ADRM1: variants seen among roughly 807,000 people sequenced by gnomAD.
The protein encoded by ADRM1 is proteasomal ubiquitin receptor ADRM1.
In ADRM1, 2 loss-of-function variants were observed where a neutral mutation model predicts 40.1. That is an observed-to-expected ratio of 0.05 (90% CI 0.02 to 0.16). The LOEUF (loss-of-function observed/expected upper bound fraction) is 0.16, where lower values mean the gene tolerates loss of function less well. ADRM1 is among the 10% of genes least tolerant of loss of function. The pLI, the probability that ADRM1 is intolerant of heterozygous loss-of-function variation, is 1.00. For synonymous variants in ADRM1, 287 were observed against 240.4 expected (o/e 1.19, Z -1.79); for missense variants, 467 against 552.5 (o/e 0.85, Z 1.55).
chr20:62,303,911 C>T, intron 2 of ADRM1, 130 bp downstream of exon 2: 1 of 861,554 alleles, frequency 1.2e-6, no homozygotes, highest in Non-Finnish European at 1.8e-6. Flanking sequence ...GACTGCCCTG[C>T]TGATGGGTCG....
chr20:62,306,903 C>A (rs1386319931), intron 5 of ADRM1, among the ~76,000 whole-genome samples, 169 bp downstream of exon 5: 1 of 152,202 alleles, frequency 6.6e-6, no homozygotes, highest in Non-Finnish European at 1.5e-5. Flanking sequence ...GTGGCTAGAG[C>A]TGGGTAGGCG....
chr20:62,307,590 T>A lies in ADRM1; in HGVS notation c.624-6T>A. On this transcript the variant is annotated splice_region_variant and splice_polypyrimidine_tract_variant and intron_variant, in intron 6 of 9. Transcript: ENST00000253003. ...TCCGCTCCAGCGGTGCCCTCTCTCTTCGCAGCTCCCGGAGCCAGTCGGCAG... is the reference window on the plus strand; with the variant it reads ...TCCGCTCCAGCGGTGCCCTCTCTCTACGCAGCTCCCGGAGCCAGTCGGCAG... 1 of 1,609,220 alleles carries A rather than the reference T, an allele frequency of 6.2e-7. No homozygotes were observed.
Position 62,306,270 on chromosome 20 carries a change from G to C in ADRM1, c.404G>C (p.Gly135Ala), listed in dbSNP as rs1245018179. The C allele has an allele frequency of 3.1e-6, 5 of 1,613,040 alleles. No homozygotes were observed. Among genetic ancestry groups the C allele is most frequent in the Non-Finnish European group, 3.4e-6 (4 of 1,179,856 alleles). ...NEYLNNPPMPGALGASGSSGH... is the reference protein window; with the variant it reads ...NEYLNNPPMPAALGASGSSGH... ...TATCTGAACAACCCCCCGATGCCTGGGGCGCTGGGGGCCAGCGGAAGCAGC... is the reference window on the plus strand; with the variant it reads ...TATCTGAACAACCCCCCGATGCCTGCGGCGCTGGGGGCCAGCGGAAGCAGC... The change falls in exon 4 of 10, where the codon GGG (glycine) becomes GCG (alanine). Residue 135 changes from glycine (G) to alanine (A), a missense_variant. Gly to Ala is a moderately conservative substitution (Grantham distance 60, BLOSUM62 0). Coordinates refer to ENST00000253003, the MANE Select transcript of ADRM1 (RefSeq NM_007002.4).
Position 62,303,583 on chromosome 20 carries a change from C to T in ADRM1, c.15C>T (p.Gly5=), listed in dbSNP as rs754864648. Residue 5 remains glycine, a synonymous_variant, in exon 2 of 10, where the codon GGC becomes GGT. Coordinates refer to ENST00000253003, the MANE Select transcript of ADRM1 (RefSeq NM_007002.4). ...GCGCTTTCAGGATGACGACCTCAGG[C>T]GCGCTCTTTCCAAGCCTGGTGCCAG... The part of the protein sequence containing the change: MTTS[G]ALFPSLVPGS... 1.9e-6 allele frequency: 3 copies of T among 1,584,310 alleles called. No individual in the cohort carries two copies. The South Asian group carries it at 3.3e-5, about 18-fold the overall frequency.
chr20:62,305,167 A>G (rs1442997334), intron 3 of ADRM1, among the ~76,000 whole-genome samples: 3 of 152,240 alleles, frequency 2.0e-5, no homozygotes, highest in African/African-American at 7.2e-5. Flanking sequence ...CCCGGTACAC[A>G]GATCATTTTC....
At chr20:62,304,342 C>A (rs1030816383) in intron 2 of ADRM1, 119 bp from the exon 3 acceptor site, 2 of 768,328 alleles carry the variant, frequency 2.6e-6, no homozygotes, top group African/African-American at 1.7e-5. Context: ...AGGGGTCTGG[C>A]GGCTTAGCTG....
intron 1 of ADRM1, 189 bp from the exon 2 acceptor site, chr20:62,303,379 A>G (rs1269036560): frequency 8.5e-6 from 5 of 585,254 alleles, no homozygotes; most frequent in Middle Eastern, 4.7e-4. Flanking sequence ...GCCCCGGCCC[A>G]GCGCCGAGTG....
In ADRM1 at chr20:62,307,379, G is replaced by T; in HGVS notation, c.550G>T (p.Gly184Trp). The T allele has an allele frequency of 1.3e-6, 2 of 1,599,904 alleles. No homozygotes were observed. The highest frequency in any genetic ancestry group is 1.7e-6 in the Non-Finnish European group (2 of 1,176,140). ...PAGLGGLGGL[G>W]ALTGPGLASL... Reference sequence around the variant, plus strand: ...TTCCTTGCCCCTCGCAGGTGGGCTGGGGGCCCTGACTGGACCTGGCCTGGC... The same window carrying T: ...TTCCTTGCCCCTCGCAGGTGGGCTGTGGGCCCTGACTGGACCTGGCCTGGC... The change falls in exon 6 of 10, where the codon GGG becomes TGG. Residue 184 changes from glycine (G) to tryptophan (W), a missense_variant. Gly to Trp is a radical substitution (Grantham distance 184). This residue lies in a region of ADRM1 where 418 missense variants were observed against 474.6 expected (regional missense o/e 0.88). Transcript: ENST00000253003.
chr20:62,306,889 G>A (rs1985070024), intron 5 of ADRM1, among the ~76,000 whole-genome samples, 155 bp downstream of exon 5: 3 of 152,244 alleles, frequency 2.0e-5, no homozygotes, highest in South Asian at 4.1e-4. Context: ...GCGCTTGTTT[G>A]CCTGTGGCTA....
rs373058282 is a variant in ADRM1 at position 62,308,651 on chromosome 20, C to T, written c.1118-4C>T. On this transcript the variant is annotated splice_polypyrimidine_tract_variant and splice_region_variant and intron_variant, in intron 9 of 9. Transcript: ENST00000253003. ...CACCACCTTGTGTCTTTAACGTGTTCTAGATGTGGAAGCGTTTGCCAAAGC... is the reference window on the plus strand; with the variant it reads ...CACCACCTTGTGTCTTTAACGTGTTTTAGATGTGGAAGCGTTTGCCAAAGC... 5.0e-5 allele frequency: 80 copies of T among 1,612,910 alleles called. No individual in the cohort carries two copies. The African/African-American group carries it at 7.5e-4, about 15-fold the overall frequency.
chr20:62,303,060 CGCCGGGCCTGGGGCG>C lies in ADRM1; in HGVS notation c.-2+18_-2+32del, dbSNP rs1350790234. ...GTGGGCGCGAGGCAGGTGCGGGAGT[CGCCGGGCCTGGGGCG>C]GCCGGGGGCGACCGGAGGCGGGGGC... is the stretch of plus-strand genomic sequence containing the variant. On this transcript the variant is annotated intron_variant, in intron 1 of 9. Coordinates refer to ENST00000253003, the MANE Select transcript of ADRM1 (RefSeq NM_007002.4). 1 of 151,384 alleles carries C rather than the reference CGCCGGGCCTGGGGCG, an allele frequency of 6.6e-6. No homozygotes were observed. The highest frequency in any genetic ancestry group is 2.0e-4 in the East Asian group (1 of 5,124). The allele number at this position is 151,384 out of a possible 1,614,324, so 9.4% of individuals were successfully genotyped here.
At chr20:62,307,341 C>T in intron 5 of ADRM1, 30 bp from the exon 6 acceptor site, 1 of 1,590,860 alleles carries the variant, frequency 6.3e-7, no homozygotes, top group South Asian at 1.1e-5. Flanking sequence ...TAGAGGGCAT[C>T]CTGAGCTCGC....
At position 62,307,698 on chromosome 20, in the gene ADRM1, G is replaced by A. The variant is rs1223810614; in HGVS notation, c.726G>A (p.Pro242=). The change falls in exon 7 of 10, where the codon CCG becomes CCA. Residue 242 remains proline (P), a synonymous_variant. Coordinates refer to ENST00000253003, the MANE Select transcript of ADRM1 (RefSeq NM_007002.4). ...SAPAAASATS[P]SPAPSSGNGA... The stretch of plus-strand genomic sequence containing the variant: ...CAGCAGCTGCCTCAGCAACTAGCCC[G>A]AGCCCCGCGCCCAGTTCCGGGAATG... The A allele has an allele frequency of 2.3e-5, 37 of 1,612,040 alleles. No individual in the cohort carries two copies. The highest frequency in any genetic ancestry group is 2.5e-5 in the Non-Finnish European group (30 of 1,179,860).
chr20:62,303,350 C>T (rs1984389907), intron 1 of ADRM1: 1 of 488,584 alleles, frequency 2.0e-6, no homozygotes. Flanking sequence ...GGGCCGGCCC[C>T]ACTAGGCTTG....
In ADRM1 at chr20:62,307,630, TCCA is replaced by T; in HGVS notation, c.664_666del (p.Thr222del). On this transcript the variant is annotated inframe_deletion, in exon 7 of 10. Transcript: ENST00000253003. Reference sequence around the variant, plus strand: ...CCAGTCGGCAGCGGTCACCCCGTCATCCACCACCTCTTCCACCCGTGCCACCCC... The same window carrying T: ...CCAGTCGGCAGCGGTCACCCCGTCATCCACCTCTTCCACCCGTGCCACCCC... 1 of 1,611,876 alleles carries T rather than the reference TCCA, an allele frequency of 6.2e-7. No homozygotes were observed. Among genetic ancestry groups the T allele is most frequent in the Non-Finnish European group, 8.5e-7 (1 of 1,179,864 alleles).
intron 4 of ADRM1, 158 bp from the exon 5 acceptor site, chr20:62,306,490 A>G (rs1461527069): frequency 7.7e-7 from 1 of 1,301,800 alleles, no homozygotes; most frequent in Non-Finnish European, 1.1e-6. Flanking sequence ...TTCACGGGGT[A>G]GGACGGGTCT....
chr20:62,304,391 T>C (rs113337191), intron 2 of ADRM1, 70 bp from the exon 3 acceptor site: 135,298 of 1,354,798 alleles, frequency 0.1, 8,359 homozygotes, highest in African/African-American at 0.24. Context: ...CAGGGCTCAG[T>C]ACGCTCTCCT....
chr20:62,304,915 C>T (rs1984674119), intron 3 of ADRM1, among the ~76,000 whole-genome samples: 1 of 152,244 alleles, frequency 6.6e-6, no homozygotes, highest in African/African-American at 2.4e-5. Flanking sequence ...GCAGAGGCCC[C>T]TGTGTGGCTT....
chr20:62,307,735 G>A lies in ADRM1; in HGVS notation c.763G>A (p.Ala255Thr), dbSNP rs1487315561. The change falls in exon 7 of 10, where the codon GCA (alanine) becomes ACA (threonine). Residue 255 changes from alanine to threonine, a missense_variant. Ala to Thr is a moderately conservative substitution (Grantham distance 58). Transcript: ENST00000253003. ...CAGTTCCGGGAATGGAGCCAGCACA[G>A]CAGCCAGCCCGACCCAGCCCATCCA... ...APSSGNGAST[A>T]ASPTQPIQLS... 1 of 1,611,810 alleles carries A rather than the reference G, an allele frequency of 6.2e-7. No individual in the cohort carries two copies. Among genetic ancestry groups the A allele is most frequent in the East Asian group, 2.2e-5 (1 of 44,888 alleles).
Sources: allele counts gnomAD v4.1 joint callset (sites outside exome capture counted in the v4.1 genomes callset), GRCh38; gene constraint gnomAD v4.1.1; regional missense constraint gnomAD v4.1.1; transcripts MANE v1.5; gene names NCBI Gene and HGNC (gene_info 2026-07-23, HGNC 2026-07-21).